Variants in EPHB1 observed in about 807,000 individuals in gnomAD.
EPHB1 encodes EPH receptor B1.
EPHB1 carries 30 observed loss-of-function variants against 94.4 expected under a neutral mutation model. The ratio of observed to expected loss-of-function variants is 0.32; its 90% confidence interval spans 0.24 to 0.43. The LOEUF (loss-of-function observed/expected upper bound fraction) is 0.43. Ranked by LOEUF, EPHB1 falls within the 20% of genes least tolerant of loss-of-function variation. The pLI is 1.00. For missense variants in EPHB1, 1,055 were observed against 1,308.3 expected (o/e 0.81, Z 2.99); for synonymous variants, 522 against 489.1 (o/e 1.07, Z -0.89).
In EPHB1 at chr3:135,252,739, G is replaced by C. The variant is rs563344273; in HGVS notation, c.2846+3248G>C. Among the ~76,000 whole-genome samples the C allele has an allele frequency of 1.9e-3, 267 of 141,738 alleles. 2 individuals carry two copies. The highest frequency in any genetic ancestry group is 6.5e-3 in the African/African-American group (256 of 39,178). 93.0% of individuals were successfully genotyped at this position (141,738 alleles called of 152,430 possible). ...CCTTTGGGTATATACCCAGTAATGG[G>C]ATGGCTGGGTCAAATGGTATTTCCA... On this transcript the variant is annotated intron_variant, in intron 15 of 15. Transcript: ENST00000398015.
intron 10 of EPHB1, among the ~76,000 whole-genome samples, chr3:135,190,916 G>A (rs1200249416): frequency 1.3e-5 from 2 of 152,170 alleles, no homozygotes; most frequent in African/African-American, 4.8e-5. Flanking sequence ...ACCTCCAGCA[G>A]TTCACCAAAA....
In EPHB1 at chr3:134,949,177, G is replaced by A. The variant is rs189834998; in HGVS notation, c.124-2194G>A. 1.6e-3 allele frequency among the ~76,000 whole-genome samples: 246 copies of A among 152,224 alleles called. 4 individuals are homozygous for A. The highest frequency in any genetic ancestry group is 0.015 in the Admixed American group (222 of 15,286). On this transcript the variant is annotated intron_variant, in intron 2 of 15. Transcript: ENST00000398015. ...TGAATCATGATGGCCTGTGTGTCCC[G>A]GAACTGCTGCAAGGATACTGGCAGG...
chr3:134,896,250 C>A (rs1333942008), intron 1 of EPHB1, among the ~76,000 whole-genome samples: 13 of 151,892 alleles, frequency 8.6e-5, no homozygotes, highest in Admixed American at 7.9e-4. Flanking sequence ...TCATCTCAGA[C>A]CTGTTGAGCT....
chr3:135,005,845 T>A (rs952663773), intron 3 of EPHB1, among the ~76,000 whole-genome samples: 1 of 152,214 alleles, frequency 6.6e-6, no homozygotes, highest in Non-Finnish European at 1.5e-5. Flanking sequence ...CCCACTGACC[T>A]GCGCCCACTG....
At chr3:135,164,164 A>G (rs954208181) in intron 7 of EPHB1, among the ~76,000 whole-genome samples, 1 of 152,200 alleles carries the variant, frequency 6.6e-6, no homozygotes, top group African/African-American at 2.4e-5. Context: ...GTATTTTTCT[A>G]TCGCCAACTT....
chr3:135,028,480 G>A (rs1263863399), intron 3 of EPHB1, among the ~76,000 whole-genome samples: 16 of 130,272 alleles, frequency 1.2e-4, no homozygotes, highest in African/African-American at 4.0e-4. Context: ...ATTTCGTTAC[G>A]TACCCAGTAG....
intron 3 of EPHB1, among the ~76,000 whole-genome samples, chr3:135,030,199 C>T (rs1020141720): frequency 1.4e-4 from 21 of 152,228 alleles, no homozygotes; most frequent in Non-Finnish European, 2.5e-4. Flanking sequence ...GTAATTTGAT[C>T]GTCTGAAGCC....
At chr3:135,008,213 T>C (rs887090585) in intron 3 of EPHB1, among the ~76,000 whole-genome samples, 1 of 152,182 alleles carries the variant, frequency 6.6e-6, no homozygotes, top group Non-Finnish European at 1.5e-5. Flanking sequence ...GACACGTAGA[T>C]AGAATTAAGG....
intron 4 of EPHB1, among the ~76,000 whole-genome samples, chr3:135,125,385 C>G (rs1415192270): frequency 6.7e-6 from 1 of 148,334 alleles, no homozygotes; most frequent in Non-Finnish European, 1.5e-5. Context: ...AGGCTTATGC[C>G]ACTCTCCAAG....
At chr3:135,221,914 TA>T (rs1943285885) in intron 12 of EPHB1, among the ~76,000 whole-genome samples, 1 of 152,220 alleles carries the variant, frequency 6.6e-6, no homozygotes, top group African/African-American at 2.4e-5. Context: ...TTACTTGATT[TA>T]GGGGGGAAAT....
At chr3:134,969,011 C>G (rs1406695178) in intron 3 of EPHB1, among the ~76,000 whole-genome samples, 1 of 152,190 alleles carries the variant, frequency 6.6e-6, no homozygotes, top group Non-Finnish European at 1.5e-5. Flanking sequence ...AGAGGACATA[C>G]ATTTTCATTT....
chr3:135,109,046 A>C (rs1004114709), intron 4 of EPHB1, among the ~76,000 whole-genome samples: 2 of 152,180 alleles, frequency 1.3e-5, no homozygotes, highest in Admixed American at 1.3e-4. Flanking sequence ...AGGGGTTGCG[A>C]AGGTTATGGA....
chr3:135,175,762 C>T (rs1559862052), intron 9 of EPHB1, among the ~76,000 whole-genome samples: 1 of 152,092 alleles, frequency 6.6e-6, no homozygotes, highest in Non-Finnish European at 1.5e-5. Flanking sequence ...TATATTACAT[C>T]TGATATTATT....
chr3:134,976,033 C>T (rs1042668132), intron 3 of EPHB1, among the ~76,000 whole-genome samples: 1 of 152,212 alleles, frequency 6.6e-6, no homozygotes, highest in African/African-American at 2.4e-5. Flanking sequence ...CAGAATGGAA[C>T]AGGCACCTGG....
intron 10 of EPHB1, among the ~76,000 whole-genome samples, chr3:135,191,057 A>C (rs1942443370): frequency 6.6e-6 from 1 of 151,928 alleles, no homozygotes; most frequent in Admixed American, 6.6e-5. Flanking sequence ...CATGAGCAAC[A>C]TAGTGAGACC....
intron 1 of EPHB1, among the ~76,000 whole-genome samples, chr3:134,835,718 G>A (rs899476244): frequency 1.3e-5 from 2 of 152,202 alleles, no homozygotes; most frequent in Admixed American, 6.5e-5. Context: ...ATCCTTGAGG[G>A]TGTCTCTGTG....
chr3:135,013,496 C>T (rs967990140), intron 3 of EPHB1, among the ~76,000 whole-genome samples: 8 of 152,264 alleles, frequency 5.3e-5, no homozygotes, highest in East Asian at 1.9e-4. Flanking sequence ...GGAGAGTTAG[C>T]GGGTGATTTA....
chr3:135,178,472 A>G (rs1188640737), intron 9 of EPHB1, among the ~76,000 whole-genome samples: 1 of 151,892 alleles, frequency 6.6e-6, no homozygotes, highest in East Asian at 1.9e-4. Flanking sequence ...AAAAAAAAAA[A>G]AAAAAAATTC....
At chr3:134,907,330 T>C (rs1232427972) in intron 1 of EPHB1, among the ~76,000 whole-genome samples, 1 of 152,152 alleles carries the variant, frequency 6.6e-6, no homozygotes, top group Non-Finnish European at 1.5e-5. Context: ...CTAAATAAAG[T>C]AGATATGTGT....
Sources: allele counts gnomAD v4.1 joint callset (sites outside exome capture counted in the v4.1 genomes callset), GRCh38; gene constraint gnomAD v4.1.1; transcripts MANE v1.5; gene names NCBI Gene and HGNC (gene_info 2026-07-23, HGNC 2026-07-21).